The following GSG1L variants were observed in gnomAD, a reference collection of about 807,000 sequenced individuals.
GSG1L encodes the protein germ cell-specific gene 1-like protein.
In GSG1L, 24 loss-of-function variants were observed where a neutral mutation model predicts 42.1. The observed-to-expected ratio is 0.57, with a 90% CI of 0.41 to 0.80. GSG1L has a LOEUF of 0.80. Among genes scored for constraint, GSG1L ranks in the 30% least tolerant of loss-of-function variants. The probability of loss-of-function intolerance (pLI) is 0.00; values close to 1 mark genes in which losing one functional copy is unlikely to be tolerated. For missense variants in GSG1L, 445 were observed against 472.2 expected, an observed-to-expected ratio of 0.94 and a Z score of 0.53; for synonymous variants, 215 against 203.5, an observed-to-expected ratio of 1.06 and a Z score of -0.48.
At chr16:28,001,940 T>C (rs2085582503) in intron 1 of GSG1L, among the ~76,000 whole-genome samples, 1 of 152,176 alleles carries the variant, frequency 6.6e-6, no homozygotes, top group African/African-American at 2.4e-5. Context: ...GGTTCCTGTG[T>C]GGGAAGAACG....
chr16:27,899,052 G>A (rs949243221), intron 2 of GSG1L, among the ~76,000 whole-genome samples: 2 of 152,212 alleles, frequency 1.3e-5, no homozygotes, highest in African/African-American at 4.8e-5. Flanking sequence ...TGTGCAGTCA[G>A]GGAGGACACA....
At chr16:27,886,974 TAGAC>T (rs371281649) in intron 2 of GSG1L, among the ~76,000 whole-genome samples, 2 of 151,958 alleles carry the variant, frequency 1.3e-5, no homozygotes, top group South Asian at 2.1e-4. Flanking sequence ...TTTTCTTTCT[TAGAC>T]AGGGTCTCAC....
At chr16:27,976,100 C>A (rs187248218) in intron 1 of GSG1L, among the ~76,000 whole-genome samples, 140 of 152,228 alleles carry the variant, frequency 9.2e-4, no homozygotes, top group African/African-American at 3.2e-3. Flanking sequence ...TGTGGTGAAA[C>A]CCTGTCTCTA....
At chr16:27,973,459 AAAAAAAAAAG>A (rs2085215875) in intron 1 of GSG1L, among the ~76,000 whole-genome samples, 1 of 150,792 alleles carries the variant, frequency 6.6e-6, no homozygotes, top group South Asian at 2.1e-4. Context: ...AAAAAAAAAA[AAAAAAAAAAG>A]AGTGTGTGCT....
At chr16:28,012,345 A>G (rs1308111631) in intron 1 of GSG1L, among the ~76,000 whole-genome samples, 2 of 152,166 alleles carry the variant, frequency 1.3e-5, no homozygotes, top group African/African-American at 4.8e-5. Flanking sequence ...GAGGCAGCCC[A>G]AAATCCCAAT....
At position 27,814,557 on chromosome 16, in the gene GSG1L, C is replaced by T. The variant is rs371558251; in HGVS notation, c.831-7003G>A. Among the ~76,000 whole-genome samples the T allele has an allele frequency of 2.0e-4, 31 of 152,074 alleles. No homozygotes were observed. In the East Asian group the frequency reaches 4.8e-3, roughly 24 times the overall value. On this transcript the variant is annotated intron_variant, in intron 5 of 6. Coordinates refer to ENST00000447459, the MANE Select transcript of GSG1L (RefSeq NM_001109763.2). ...AAAATCAGCCAGGCGTGGTGGCGGG[C>T]GCCTATAATCCCAGCTACTCTGGAG...
intron 4 of GSG1L, among the ~76,000 whole-genome samples, chr16:27,831,329 AT>A (rs1262986985): frequency 6.6e-6 from 1 of 151,724 alleles, no homozygotes; most frequent in Non-Finnish European, 1.5e-5. Context: ...GTTTCTTTTT[AT>A]TTTTTTTCCT....
At position 28,063,222 on chromosome 16, in the gene GSG1L, G is replaced by T; in HGVS notation, c.203C>A (p.Ala68Asp). 1.6e-6 allele frequency: 2 copies of T among 1,252,478 alleles called. No individual in the cohort carries two copies. The highest frequency in any genetic ancestry group is 3.0e-5 in the South Asian group (1 of 33,348). The allele number at this position is 1,252,478 out of a possible 1,614,324, so 77.6% of individuals were successfully genotyped here. Residue 68 changes from alanine to aspartate, a missense_variant, in exon 1 of 7, where the codon GCC becomes GAC. Transcript: ENST00000447459. This position sits in a 1 kb window ranked among gnomAD's most constrained non-coding sequence, Gnocchi z 5.8. Reference sequence around the variant, plus strand: ...GGCGGTGGCGGCGGCGGCGGCGGCGGCGGGGGCGGCGGTGCCGTTGGCCGT... The same window carrying T: ...GGCGGTGGCGGCGGCGGCGGCGGCGTCGGGGGCGGCGGTGCCGTTGGCCGT... ...NATANGTAAP[A>D]AAAAAATASG...
In GSG1L at chr16:27,918,590, C is replaced by T. The variant is rs368394133; in HGVS notation, c.398-33952G>A. 1.5e-4 allele frequency among the ~76,000 whole-genome samples: 22 copies of T among 150,178 alleles called. 1 individual carries two copies. In the East Asian group the frequency reaches 2.6e-3, roughly 17 times the overall value. ...AGGAGAATCACTTGAACCTGGGAGG[C>T]GGAGGTCACAGTGAGCCAAGATCAT... On this transcript the variant is annotated intron_variant, in intron 2 of 6. Transcript: ENST00000447459.
rs561864367 is a variant in GSG1L at position 27,834,561 on chromosome 16, G to T, written c.663-5605C>A. ...AAACCATCTGGACCTGGAGATTTCT[G>T]TTTTGAAAGTTTTTATTTATAAACT... is the stretch of plus-strand genomic sequence containing the variant. On this transcript the variant is annotated intron_variant, in intron 4 of 6. Transcript: ENST00000447459. Among the ~76,000 whole-genome samples, 5 of 151,850 alleles carry T rather than the reference G, an allele frequency of 3.3e-5. No homozygotes were observed. The East Asian group carries it at 9.7e-4, about 29-fold the overall frequency.
chr16:27,866,357 C>CACTG (rs2083724908), intron 3 of GSG1L, among the ~76,000 whole-genome samples: 1 of 152,200 alleles, frequency 6.6e-6, no homozygotes, highest in Admixed American at 6.5e-5. Context: ...ATGTATCAAT[C>CACTG]ACTGTGCTGG....
intron 2 of GSG1L, among the ~76,000 whole-genome samples, chr16:27,944,366 A>G (rs1327294763): frequency 2.0e-5 from 3 of 152,190 alleles, no homozygotes; most frequent in South Asian, 4.1e-4. Flanking sequence ...TTACTCCTGT[A>G]ATCCCAGCAC....
At chr16:27,928,501 TGGAAA>T (rs1224217483) in intron 2 of GSG1L, among the ~76,000 whole-genome samples, 1 of 143,754 alleles carries the variant, frequency 7.0e-6, no homozygotes, top group Non-Finnish European at 1.5e-5. Flanking sequence ...TTCTTGTGAG[TGGAAA>T]GAAAAGAAAA....
Position 27,796,614 on chromosome 16 carries a change from C to A in GSG1L, c.899-5147G>T, listed in dbSNP as rs528375024. On this transcript the variant is annotated intron_variant, in intron 6 of 6. Transcript: ENST00000447459. Reference sequence around the variant, plus strand: ...ACGGTGGAGGGCTCAGGAGGAAGGGCAGGCTTGAGTGGGACGGACCCGTAT... The same window carrying A: ...ACGGTGGAGGGCTCAGGAGGAAGGGAAGGCTTGAGTGGGACGGACCCGTAT... Among the ~76,000 whole-genome samples, 4 of 152,292 alleles carry A rather than the reference C, an allele frequency of 2.6e-5. No homozygotes were observed. In the South Asian group the frequency reaches 6.2e-4, roughly 24 times the overall value.
chr16:27,830,894 A>G (rs2083268237), intron 4 of GSG1L, among the ~76,000 whole-genome samples: 1 of 152,238 alleles, frequency 6.6e-6, no homozygotes, highest in African/African-American at 2.4e-5. Context: ...CCTGCTCAGT[A>G]GCCATTCTTC....
chr16:28,049,327 G>T (rs2086197538), intron 1 of GSG1L, among the ~76,000 whole-genome samples: 1 of 152,172 alleles, frequency 6.6e-6, no homozygotes, highest in Non-Finnish European at 1.5e-5. Flanking sequence ...AAATACATTT[G>T]CAACTCTTGA....
chr16:27,828,857 G>C lies in GSG1L; in HGVS notation c.762C>G (p.Val254=). The C allele has an allele frequency of 2.5e-6, 4 of 1,614,212 alleles. No homozygotes were observed. Among genetic ancestry groups the C allele is most frequent in the Non-Finnish European group, 3.4e-6 (4 of 1,180,052 alleles). The change falls in exon 5 of 7, where the codon GTC becomes GTG. Residue 254 remains valine, a synonymous_variant. Coordinates refer to ENST00000447459, the MANE Select transcript of GSG1L (RefSeq NM_001109763.2). ...TVIEFRHKRK[V]FEQGYREEPT... Reference sequence around the variant, plus strand: ...GCTCTTCCCGGTAGCCCTGCTCAAAGACCTTGCGCTTGTGCCGGAACTCAA... The same window carrying C: ...GCTCTTCCCGGTAGCCCTGCTCAAACACCTTGCGCTTGTGCCGGAACTCAA...
chr16:27,939,144 C>G (rs188595331), intron 2 of GSG1L, among the ~76,000 whole-genome samples: 18 of 151,764 alleles, frequency 1.2e-4, no homozygotes, highest in African/African-American at 3.9e-4. Flanking sequence ...CTTTTTGAGA[C>G]AGGGTTTCGC....
intron 2 of GSG1L, among the ~76,000 whole-genome samples, chr16:27,941,016 G>C (rs1177306705): frequency 6.6e-6 from 1 of 152,014 alleles, no homozygotes; most frequent in Non-Finnish European, 1.5e-5. Context: ...ATATGGATCA[G>C]AGACCTAAAC....
Sources: gnomAD v4.1 joint callset for allele counts (sites outside exome capture counted in the v4.1 genomes callset) on GRCh38, gnomAD v4.1.1 for gene constraint, Gnocchi (gnomAD v3.1) non-coding constraint, MANE v1.5 for transcripts, NCBI Gene and HGNC (gene_info 2026-07-23, HGNC 2026-07-21) for gene names.